The following CLASP2 variants were observed in gnomAD, a reference collection of about 807,000 sequenced individuals.
The protein encoded by CLASP2 is CLIP-associating protein 2.
Under a neutral mutation model 194.4 loss-of-function variants are expected in CLASP2, and 47 were observed. The observed-to-expected ratio is 0.24, with a 90% CI of 0.19 to 0.31. The LOEUF (loss-of-function observed/expected upper bound fraction) is 0.31. CLASP2 is among the 10% of genes least tolerant of loss of function. CLASP2 has a pLI of 1.00. For missense variants in CLASP2, 1,445 were observed against 1,823.6 expected (o/e 0.79, Z 3.78); for synonymous variants, 619 against 633.5 (o/e 0.98, Z 0.34).
At chr3:33,553,066 T>C (rs2060306042) in intron 29 of CLASP2, among the ~76,000 whole-genome samples, 1 of 152,170 alleles carries the variant, frequency 6.6e-6, no homozygotes, top group African/African-American at 2.4e-5. Context: ...GAGAAAAAAT[T>C]GTCAAATTTT....
chr3:33,661,567 G>A (rs148067821), intron 7 of CLASP2, among the ~76,000 whole-genome samples: 15 of 152,346 alleles, frequency 9.8e-5, no homozygotes, highest in Middle Eastern at 6.8e-3. Flanking sequence ...GCTGATGATG[G>A]TGCCACTGAC....
Position 33,496,367 on chromosome 3 carries a change from G to A in CLASP2, c.*2264C>T, listed in dbSNP as rs1326298311. The A allele has an allele frequency of 6.6e-6, 1 of 152,104 alleles. No individual in the cohort carries two copies. The highest frequency in any genetic ancestry group is 1.5e-5 in the Non-Finnish European group (1 of 67,986). The allele number at this position is 152,104 out of a possible 1,614,324, so 9.4% of individuals were successfully genotyped here. On this transcript the variant is annotated 3_prime_UTR_variant, in exon 39 of 39. Transcript: ENST00000682230. Reference sequence around the variant, plus strand: ...AAAAATATAAACAGTAGCTTTTTGTGACCATTTTTAAGTAGCTGACATCTC... The same window carrying A: ...AAAAATATAAACAGTAGCTTTTTGTAACCATTTTTAAGTAGCTGACATCTC...
Position 33,538,926 on chromosome 3 carries a change from T to C in CLASP2, c.3421A>G (p.Thr1141Ala), listed in dbSNP as rs2057856046. The change falls in exon 33 of 39, where the codon ACA becomes GCA. Residue 1141 changes from threonine (T) to alanine (A), a missense_variant. Around this residue, in one of 4 missense-constraint regions of CLASP2, gnomAD observed 732 missense variants for 987.9 expected, o/e 0.74. Coordinates refer to ENST00000682230, the MANE Select transcript of CLASP2 (RefSeq NM_001365631.1). ...TLSPSAFDYD[T>A]ENMNSEDIYS... ...ATATCTTCAGAGTTCATATTTTCTG[T>C]GTCATAATCAAATGCACTATGAAAA... 1 of 1,575,634 alleles carries C rather than the reference T, an allele frequency of 6.3e-7. No individual in the cohort carries two copies. The highest frequency in any genetic ancestry group is 8.6e-7 in the Non-Finnish European group (1 of 1,164,736).
chr3:33,570,646 A>T, intron 26 of CLASP2, 81 bp downstream of exon 26: 1 of 1,515,774 alleles, frequency 6.6e-7, no homozygotes, highest in Non-Finnish European at 9.0e-7. Flanking sequence ...AATAAAATAA[A>T]AATGGCCTAC....
chr3:33,710,776 A>C (rs920014820), intron 1 of CLASP2, among the ~76,000 whole-genome samples: 7 of 152,134 alleles, frequency 4.6e-5, no homozygotes, highest in Non-Finnish European at 7.3e-5. Context: ...CTCTACTAAA[A>C]ATACAAAAAT....
At chr3:33,562,873 A>G (rs1031519419) in intron 27 of CLASP2, among the ~76,000 whole-genome samples, 2 of 152,206 alleles carry the variant, frequency 1.3e-5, no homozygotes, top group Admixed American at 1.3e-4. Context: ...ACTTAAAGCT[A>G]GGTCACTTGG....
intron 6 of CLASP2, among the ~76,000 whole-genome samples, chr3:33,672,469 A>G (rs969443412): frequency 6.6e-6 from 1 of 152,204 alleles, no homozygotes; most frequent in Admixed American, 6.5e-5. Flanking sequence ...AAAGACCAAA[A>G]GTAGATAAAA....
chr3:33,676,606 G>A (rs2088698495), intron 6 of CLASP2, among the ~76,000 whole-genome samples: 1 of 151,922 alleles, frequency 6.6e-6, no homozygotes, highest in South Asian at 2.1e-4. Flanking sequence ...AACCCTAGAA[G>A]AAAACCTAGG....
At chr3:33,528,121 GCAACGCTGGCT>G (rs2055132828) in intron 34 of CLASP2, among the ~76,000 whole-genome samples, 2 of 152,114 alleles carry the variant, frequency 1.3e-5, no homozygotes, top group Non-Finnish European at 2.9e-5. Flanking sequence ...ATCCCTAGAT[GCAACGCTGGCT>G]CAACATTCAC....
At chr3:33,635,507 T>G (rs150287541) in intron 8 of CLASP2, among the ~76,000 whole-genome samples, 35 of 152,196 alleles carry the variant, frequency 2.3e-4, no homozygotes, top group East Asian at 1.5e-3. Context: ...CAACAAGACT[T>G]ACAAAGCTGA....
intron 21 of CLASP2, 144 bp from the exon 22 acceptor site, chr3:33,585,064 A>C: frequency 1.6e-6 from 1 of 611,180 alleles, no homozygotes; most frequent in South Asian, 3.5e-5. Context: ...TAGACCGAGG[A>C]AGATTTAAAT....
chr3:33,625,926 T>C (rs1475419345), intron 10 of CLASP2, among the ~76,000 whole-genome samples: 1 of 152,070 alleles, frequency 6.6e-6, no homozygotes, highest in Non-Finnish European at 1.5e-5. Flanking sequence ...CCATCTGTTG[T>C]TTCCAAATGG....
At chr3:33,706,582 G>C (rs1176115321) in intron 1 of CLASP2, among the ~76,000 whole-genome samples, 2 of 152,100 alleles carry the variant, frequency 1.3e-5, no homozygotes, top group Non-Finnish European at 2.9e-5. Flanking sequence ...AAAAGATACA[G>C]ACAGAAGACA....
intron 24 of CLASP2, among the ~76,000 whole-genome samples, chr3:33,575,925 C>T (rs2064782609): frequency 6.6e-6 from 1 of 151,984 alleles, no homozygotes; most frequent in South Asian, 2.1e-4. Context: ...AACACATTAC[C>T]ATATTAAAGA....
At chr3:33,582,493 C>CA (rs950832990) in intron 22 of CLASP2, among the ~76,000 whole-genome samples, 11 of 151,488 alleles carry the variant, frequency 7.3e-5, no homozygotes, top group East Asian at 1.9e-4. Context: ...TGTCTCACTA[C>CA]AAAAAAAATA....
rs1419848041 is a variant in CLASP2 at position 33,535,353 on chromosome 3, G to A, written c.3667C>T (p.His1223Tyr). Reference sequence around the variant, plus strand: ...TAGTCTCGAGAGCGTGGAGAGGAGTGAGTAGGCATTGAATGGAGCAATGAA... The same window carrying A: ...TAGTCTCGAGAGCGTGGAGAGGAGTAAGTAGGCATTGAATGGAGCAATGAA... ...KASLLHSMPT[H>Y]SSPRSRDYNP... The change falls in exon 34 of 39, where the codon CAC becomes TAC. Residue 1223 changes from histidine (H) to tyrosine (Y), a missense_variant. Around this residue, in one of 4 missense-constraint regions of CLASP2, gnomAD observed 732 missense variants for 987.9 expected, o/e 0.74. Coordinates refer to ENST00000682230, the MANE Select transcript of CLASP2 (RefSeq NM_001365631.1). The A allele has an allele frequency of 1.9e-6, 3 of 1,613,732 alleles. No homozygotes were observed. In the East Asian group the frequency reaches 6.7e-5, roughly 36 times the overall value.
At chr3:33,501,531 T>C (rs912186385) in intron 38 of CLASP2, 121 bp downstream of exon 38, 2 of 609,246 alleles carry the variant, frequency 3.3e-6, no homozygotes, top group African/African-American at 1.9e-5. Context: ...TAAGGGCAAG[T>C]TGGATGCTCA....
intron 18 of CLASP2, among the ~76,000 whole-genome samples, chr3:33,599,032 A>T (rs2071269281): frequency 6.6e-6 from 1 of 152,236 alleles, no homozygotes; most frequent in South Asian, 2.1e-4. Flanking sequence ...TATTGATTAC[A>T]GTAAGTAAAA....
At chr3:33,586,573 G>C (rs2067424609) in intron 21 of CLASP2, among the ~76,000 whole-genome samples, 1 of 151,990 alleles carries the variant, frequency 6.6e-6, no homozygotes, top group Non-Finnish European at 1.5e-5. Flanking sequence ...GAAATGCAAG[G>C]GTTAAATTTT....
Sources: gnomAD v4.1 joint callset for allele counts (sites outside exome capture counted in the v4.1 genomes callset) on GRCh38, gnomAD v4.1.1 for gene constraint, gnomAD v4.1.1 regional missense constraint, MANE v1.5 for transcripts, NCBI Gene and HGNC (gene_info 2026-07-23, HGNC 2026-07-21) for gene names.